Variants in DRC3 observed in about 807,000 individuals in gnomAD.
DRC3 encodes the protein dynein regulatory complex subunit 3.
In DRC3, 45 loss-of-function variants were observed where a neutral mutation model predicts 57.6. The ratio of observed to expected loss-of-function variants is 0.78; its 90% CI spans 0.62 to 1.00. DRC3 has a LOEUF of 1.00. DRC3 is among the 50% of genes least tolerant of loss of function. DRC3 has a pLI of 0.00. For synonymous variants in DRC3, 257 were observed against 272.3 expected, an observed-to-expected ratio of 0.94 and a Z score of 0.55; for missense variants, 655 against 675.2, an observed-to-expected ratio of 0.97 and a Z score of 0.33.
chr17:18,015,932 C>G, intron 12 of DRC3, 132 bp from the exon 13 acceptor site: 1 of 899,256 alleles, frequency 1.1e-6, no homozygotes, highest in Non-Finnish European at 1.7e-6. Context: ...TGCGCTGATA[C>G]AAAGGTGGGC....
In DRC3 at chr17:18,008,874, G is replaced by A. The variant is rs929207498; in HGVS notation, c.1326+1727G>A. 2.0e-5 allele frequency among the ~76,000 whole-genome samples: 3 copies of A among 152,152 alleles called. No homozygotes were observed. Among genetic ancestry groups the A allele is most frequent in the South Asian group, 2.1e-4 (1 of 4,832 alleles). ...CACCCAGAAGGCACAGGACTGAAAC[G>A]TGCCCAATTTCTAATGACTAGGACA... On this transcript the variant is annotated intron_variant, in intron 12 of 13. Coordinates refer to ENST00000399187, the MANE Select transcript of DRC3 (RefSeq NM_031294.4). This position sits in a 1 kb window ranked among gnomAD's most constrained non-coding sequence, Gnocchi z 4.3.
intron 10 of DRC3, chr17:18,004,784 C>T (rs992789087): frequency 8.7e-6 from 3 of 345,522 alleles, no homozygotes; most frequent in South Asian, 3.9e-5. Flanking sequence ...TGGAGCTATC[C>T]GGGTACTCTA....
chr17:17,993,957 G>C (rs576722319), intron 6 of DRC3: 192 of 284,498 alleles, frequency 6.7e-4, no homozygotes, highest in Middle Eastern at 6.6e-3. Context: ...GAGTGAGAGA[G>C]CAAGTCCTCT....
intron 9 of DRC3, among the ~76,000 whole-genome samples, chr17:18,002,834 T>G (rs1296152839): frequency 6.6e-6 from 1 of 152,248 alleles, no homozygotes; most frequent in African/African-American, 2.4e-5. Flanking sequence ...CAGGTTCACC[T>G]AACTCTGAAG....
In DRC3 at chr17:17,999,753, G is replaced by A. The variant is rs1316822800; in HGVS notation, c.999+2119G>A. 2.0e-5 allele frequency among the ~76,000 whole-genome samples: 3 copies of A among 152,256 alleles called. 1 individual carries two copies. The highest frequency in any genetic ancestry group is 7.2e-5 in the African/African-American group (3 of 41,470). On this transcript the variant is annotated intron_variant, in intron 9 of 13. Coordinates refer to ENST00000399187, the MANE Select transcript of DRC3 (RefSeq NM_031294.4). Reference sequence around the variant, plus strand: ...TTGAAGAACTGTAGTGAGAAACAGAGAGGGAAAGCACTTGTGCAAGGCCTG... The same window carrying A: ...TTGAAGAACTGTAGTGAGAAACAGAAAGGGAAAGCACTTGTGCAAGGCCTG...
chr17:18,003,748 T>G, intron 9 of DRC3, among the ~76,000 whole-genome samples: 1 of 144,876 alleles, frequency 6.9e-6, no homozygotes, highest in Admixed American at 7.0e-5. Context: ...GTTCACGCCA[T>G]TCTCCTGCCT....
At chr17:18,000,841 T>C (rs2043699005) in intron 9 of DRC3, among the ~76,000 whole-genome samples, 1 of 152,206 alleles carries the variant, frequency 6.6e-6, no homozygotes, top group Non-Finnish European at 1.5e-5. Flanking sequence ...TTTGTACTTA[T>C]ATTTTGCCCT....
intron 12 of DRC3, chr17:18,011,892 G>A: frequency 2.0e-5 from 3 of 153,388 alleles, no homozygotes; most frequent in Non-Finnish European, 4.4e-5. Context: ...GTGCAGTCCT[G>A]GCTCACTGCA....
At chr17:18,015,261 G>T (rs2044314736) in intron 12 of DRC3, 2 of 152,148 alleles carry the variant, frequency 1.3e-5, no homozygotes, top group Admixed American at 1.3e-4. Context: ...TGCCACTACA[G>T]GAAAGAACAA....
In DRC3 at chr17:18,007,066, G is replaced by C; in HGVS notation, c.1245G>C (p.Lys415Asn). The change falls in exon 12 of 14, where the codon AAG becomes AAC. Residue 415 changes from lysine to asparagine, a missense_variant. Lys to Asn is a moderately conservative substitution (Grantham distance 94). Transcript: ENST00000399187. ...ACCTGGAGAATCACCACCACGAGAA[G>C]CTCCTGGAGATCTCTATCAGCACCC... ...CRDLENHHHEKLLEISISTLE... is the reference protein window; with the variant it reads ...CRDLENHHHENLLEISISTLE... The C allele has an allele frequency of 6.2e-7, 1 of 1,607,838 alleles. No individual in the cohort carries two copies. The highest frequency in any genetic ancestry group is 8.5e-7 in the Non-Finnish European group (1 of 1,177,086).
At chr17:18,013,365 T>C (rs1196116977) in intron 12 of DRC3, among the ~76,000 whole-genome samples, 1 of 152,198 alleles carries the variant, frequency 6.6e-6, no homozygotes, top group African/African-American at 2.4e-5. Context: ...ACTGCAGCAC[T>C]GTTCGCAATA....
chr17:18,006,189 A>G lies in DRC3; in HGVS notation c.1138A>G (p.Ile380Val), dbSNP rs758270660. The change falls in exon 11 of 14, where the codon ATA becomes GTA. Residue 380 changes from isoleucine (I) to valine (V), a missense_variant. Physicochemically the swap from Ile to Val is conservative, Grantham distance 29 (BLOSUM62 3). Transcript: ENST00000399187. ...MQLVEQLEET[I>V]NMFERNIVDM... ...TGTTCTTTAACATTTCCAGGAGACT[A>G]TAAACATGTTTGAAAGGAACATTGT... The G allele has an allele frequency of 1.2e-6, 2 of 1,609,684 alleles. No homozygotes were observed. Among genetic ancestry groups the G allele is most frequent in the South Asian group, 2.2e-5 (2 of 90,680 alleles).
intron 1 of DRC3, among the ~76,000 whole-genome samples, chr17:17,973,432 A>G (rs1365810128): frequency 2.0e-5 from 3 of 152,134 alleles, no homozygotes; most frequent in African/African-American, 7.2e-5. Flanking sequence ...AACTCATTGT[A>G]CGACTTTGGA....
chr17:17,984,586 C>T (rs916123983), intron 4 of DRC3, among the ~76,000 whole-genome samples: 11 of 152,134 alleles, frequency 7.2e-5, no homozygotes, highest in Admixed American at 5.2e-4. Flanking sequence ...CCTGAGAGCT[C>T]CTTATGCCCT....
chr17:17,978,007 G>A (rs2042469871), intron 3 of DRC3: 1 of 381,748 alleles, frequency 2.6e-6, no homozygotes, highest in Non-Finnish European at 4.7e-6. Context: ...AGATAAAATT[G>A]TCCCACGCCA....
At chr17:17,975,730 T>C (rs932862603) in intron 2 of DRC3, among the ~76,000 whole-genome samples, 2 of 151,584 alleles carry the variant, frequency 1.3e-5, no homozygotes, top group Admixed American at 6.6e-5. Context: ...TGTGAACAGA[T>C]TGGAGAGAGT....
chr17:18,006,469 G>A (rs1163286886), intron 11 of DRC3: 14 of 582,274 alleles, frequency 2.4e-5, no homozygotes, highest in African/African-American at 3.7e-5. Context: ...TCATATGAGT[G>A]ATGTTCACTA....
Position 17,987,966 on chromosome 17 carries a change from G to A in DRC3, c.312G>A (p.Gly104=). The part of the protein sequence containing the change: ...LSFNNIETIE[G]LDTLVNLEDL... ...TCAACAACATTGAGACCATCGAGGGGCTGGACACACTGGTGAACCTGGAGG... is the reference window on the plus strand; with the variant it reads ...TCAACAACATTGAGACCATCGAGGGACTGGACACACTGGTGAACCTGGAGG... The change falls in exon 5 of 14, where the codon GGG becomes GGA. Residue 104 remains glycine (G), a synonymous_variant. Coordinates refer to ENST00000399187, the MANE Select transcript of DRC3 (RefSeq NM_031294.4). 1 of 1,613,978 alleles carries A rather than the reference G, an allele frequency of 6.2e-7. No homozygotes were observed. Among genetic ancestry groups the A allele is most frequent in the Non-Finnish European group, 8.5e-7 (1 of 1,179,890 alleles).
intron 12 of DRC3, among the ~76,000 whole-genome samples, chr17:18,012,390 C>T (rs146486985): frequency 4.3e-4 from 66 of 152,250 alleles, no homozygotes; most frequent in Non-Finnish European, 8.5e-4. Flanking sequence ...CATGTAAGAC[C>T]TGAAACTGGC....
Sources: gnomAD v4.1 joint callset for allele counts (sites outside exome capture counted in the v4.1 genomes callset) on GRCh38, gnomAD v4.1.1 for gene constraint, Gnocchi (gnomAD v3.1) non-coding constraint, MANE v1.5 for transcripts, NCBI Gene and HGNC (gene_info 2026-07-23, HGNC 2026-07-21) for gene names.